The following PUM3 variants were observed in gnomAD, a reference collection of about 807,000 sequenced individuals.
PUM3 encodes the protein pumilio homolog 3.
Under a neutral mutation model 84.0 loss-of-function variants are expected in PUM3, and 91 were observed. The ratio of observed to expected loss-of-function variants is 1.08; its 90% CI spans 0.91 to 1.29. The LOEUF (loss-of-function observed/expected upper bound fraction) is 1.29. PUM3 is among the 50% of genes most tolerant of loss of function. PUM3 has a pLI of 0.00. For missense variants in PUM3, 1,067 were observed against 767.5 expected, an observed-to-expected ratio of 1.39 and a Z score of -4.61; for synonymous variants, 321 against 266.7, an observed-to-expected ratio of 1.20 and a Z score of -1.98.
At chr9:2,833,508 C>T (rs1816040900) in intron 4 of PUM3, 76 bp from the exon 5 acceptor site, 6 of 740,038 alleles carry the variant, frequency 8.1e-6, no homozygotes, top group South Asian at 3.8e-5. Context: ...AAAACTGTAC[C>T]AGTATATGTT....
chr9:2,842,063 T>C (rs918253509), intron 1 of PUM3, among the ~76,000 whole-genome samples: 1 of 152,216 alleles, frequency 6.6e-6, no homozygotes, highest in Non-Finnish European at 1.5e-5. Flanking sequence ...TTTTCCAGAA[T>C]GGCATTCTTA....
chr9:2,829,969 GA>G (rs752354364), intron 7 of PUM3, 21 bp from the exon 8 acceptor site: 1 of 1,586,228 alleles, frequency 6.3e-7, no homozygotes, highest in Non-Finnish European at 8.6e-7. Flanking sequence ...CACAATCATG[GA>G]AAAATAAATG....
chr9:2,834,161 CT>C lies in PUM3; in HGVS notation c.309del (p.Ala104GlnfsTer17). On this transcript the variant is annotated frameshift_variant, in exon 4 of 18. Coordinates refer to ENST00000397885, the MANE Select transcript of PUM3 (RefSeq NM_014878.5). LOFTEE classifies it high-confidence loss of function. ...KFQPDGRSDE[S>X]AAKKPKWDDF... is the part of the protein sequence containing the mutation. The stretch of plus-strand genomic sequence containing the variant: ...TCATCCCATTTGGGCTTCTTGGCTG[CT>C]GATTCTAGTTATTATAGAAATTATT... The C allele has an allele frequency of 6.2e-7, 1 of 1,610,874 alleles. No homozygotes were observed. Among genetic ancestry groups the C allele is most frequent in the Non-Finnish European group, 8.5e-7 (1 of 1,178,676 alleles).
chr9:2,822,390 C>T (rs1815669677), intron 12 of PUM3, among the ~76,000 whole-genome samples: 1 of 151,834 alleles, frequency 6.6e-6, no homozygotes, highest in Non-Finnish European at 1.5e-5. Context: ...TAGAATATAT[C>T]CAGAAACCCC....
chr9:2,812,996 C>G (rs1821402953), intron 13 of PUM3, among the ~76,000 whole-genome samples: 1 of 152,154 alleles, frequency 6.6e-6, no homozygotes. Flanking sequence ...TTAAATCGAA[C>G]AAGTGGATAA....
rs761180900 is a variant in PUM3, at chr9:2,827,118, T to C, written c.990A>G (p.Lys330=). Residue 330 remains lysine (K), a synonymous_variant, in exon 10 of 18, where the codon AAA becomes AAG. Coordinates refer to ENST00000397885, the MANE Select transcript of PUM3 (RefSeq NM_014878.5). ...EAVIKHSLVH[K]VFLDFFTYAP... ...CATAGGTAAAAAAGTCCAAGAATAC[T>C]TTATGCACCAATGAGTGCTTAATCA... 15 of 1,610,328 alleles carry C rather than the reference T, an allele frequency of 9.3e-6. No homozygotes were observed. The African/African-American group carries it at 1.9e-4, about 20-fold the overall frequency.
rs1055817245 is a variant in PUM3 at position 2,811,349 on chromosome 9, A to G, written c.1635+12T>C. Reference sequence around the variant, plus strand: ...TTGCAGCTTTCCTGCCTGTGCTTTAATGGCACATTACCTCTCCGTCCTTGC... The same window carrying G: ...TTGCAGCTTTCCTGCCTGTGCTTTAGTGGCACATTACCTCTCCGTCCTTGC... On this transcript the variant is annotated intron_variant, in intron 15 of 17. Coordinates refer to ENST00000397885, the MANE Select transcript of PUM3 (RefSeq NM_014878.5). 1.2e-6 allele frequency: 2 copies of G among 1,612,394 alleles called. No individual in the cohort carries two copies. The highest frequency in any genetic ancestry group is 2.2e-5 in the East Asian group (1 of 44,846).
chr9:2,805,375 G>C (rs1821238686), intron 17 of PUM3, among the ~76,000 whole-genome samples: 1 of 152,160 alleles, frequency 6.6e-6, no homozygotes, highest in Non-Finnish European at 1.5e-5. Context: ...CAGAGTACCA[G>C]TCCTGAATTT....
intron 5 of PUM3, 37 bp downstream of exon 5, chr9:2,833,320 C>T (rs748426068): frequency 4.4e-6 from 5 of 1,129,722 alleles, no homozygotes; most frequent in African/African-American, 1.6e-5. Flanking sequence ...GCAACTTCAA[C>T]TGTTAAAAAT....
chr9:2,835,747 G>A (rs913615323), intron 3 of PUM3, among the ~76,000 whole-genome samples: 1 of 152,104 alleles, frequency 6.6e-6, no homozygotes, highest in Non-Finnish European at 1.5e-5. Context: ...TTATCAGTGT[G>A]GGGGTTGTCT....
Position 2,829,780 on chromosome 9 carries a change from A to G in PUM3, c.846T>C (p.Leu282=). ...TEELYGNTFQ[L]YKSADHRTLD... is the part of the protein sequence containing the mutation. ...AGACTTCTGGAGATGTCACCTTGTA[A>G]AGCTGAAATGTGTTCCCATAGAGCT... The change falls in exon 8 of 18, where the codon CTT becomes CTC. Residue 282 remains leucine, a synonymous_variant. Coordinates refer to ENST00000397885, the MANE Select transcript of PUM3 (RefSeq NM_014878.5). 2 of 1,607,656 alleles carry G rather than the reference A, an allele frequency of 1.2e-6. No individual in the cohort carries two copies. The highest frequency in any genetic ancestry group is 1.3e-5 in the African/African-American group (1 of 74,824).
intron 1 of PUM3, among the ~76,000 whole-genome samples, chr9:2,839,627 A>G (rs1317200691): frequency 6.6e-6 from 1 of 152,184 alleles, no homozygotes; most frequent in Non-Finnish European, 1.5e-5. Flanking sequence ...AGTACTCTGG[A>G]AAGTGCTGTT....
intron 2 of PUM3, 48 bp from the exon 3 acceptor site, chr9:2,837,449 C>T (rs1487796771): frequency 2.4e-6 from 3 of 1,258,322 alleles, no homozygotes; most frequent in East Asian, 2.3e-5. Context: ...GCCCAAATCT[C>T]TTTTATCTAT....
At chr9:2,804,573 T>G in intron 17 of PUM3, 110 bp from the exon 18 acceptor site, 1 of 931,256 alleles carries the variant, frequency 1.1e-6, no homozygotes, top group Non-Finnish European at 1.5e-6. Flanking sequence ...GCCTTGTAAC[T>G]ATATACACAT....
chr9:2,804,847 T>G (rs1178006212), intron 17 of PUM3, among the ~76,000 whole-genome samples: 1 of 152,228 alleles, frequency 6.6e-6, no homozygotes, highest in Non-Finnish European at 1.5e-5. Context: ...TTTTATTTAT[T>G]TCATGATGCT....
chr9:2,829,706 G>T, intron 8 of PUM3, 68 bp downstream of exon 8: 2 of 1,320,724 alleles, frequency 1.5e-6, no homozygotes, highest in Non-Finnish European at 2.1e-6. Context: ...GATATATAGG[G>T]CACCGGAAGT....
intron 9 of PUM3, among the ~76,000 whole-genome samples, chr9:2,827,743 C>T (rs1256014137): frequency 6.6e-6 from 1 of 152,236 alleles, no homozygotes. Context: ...CAAAAACTAA[C>T]ACTGCCTTTA....
At chr9:2,806,659 G>T (rs558336513) in intron 17 of PUM3, among the ~76,000 whole-genome samples, 1 of 152,062 alleles carries the variant, frequency 6.6e-6, no homozygotes, top group Non-Finnish European at 1.5e-5. Context: ...GAGAATGTAT[G>T]GAAAATTTCA....
intron 11 of PUM3, among the ~76,000 whole-genome samples, 154 bp from the exon 12 acceptor site, chr9:2,823,988 C>A (rs1049759273): frequency 6.6e-6 from 1 of 152,094 alleles, no homozygotes; most frequent in Non-Finnish European, 1.5e-5. Context: ...AACAAAAAAA[C>A]TGTAATATAC....
Sources: allele counts gnomAD v4.1 joint callset (sites outside exome capture counted in the v4.1 genomes callset), GRCh38; gene constraint gnomAD v4.1.1; transcripts MANE v1.5; gene names NCBI Gene and HGNC (gene_info 2026-07-23, HGNC 2026-07-21).